Variants in ERBIN observed in about 807,000 individuals in gnomAD.
The protein encoded by ERBIN is densin-180-like protein.
In ERBIN, 60 loss-of-function variants were observed where a neutral mutation model predicts 158.4. The observed-to-expected ratio is 0.38, with a 90% CI of 0.31 to 0.47. The LOEUF is 0.47. Among genes scored for constraint, ERBIN ranks in the 20% least tolerant of loss-of-function variants. ERBIN has a pLI of 0.99. For synonymous variants in ERBIN, 594 were observed against 557.2 expected, an observed-to-expected ratio of 1.07 and a Z score of -0.93; for missense variants, 1,610 against 1,648.0, an observed-to-expected ratio of 0.98 and a Z score of 0.40.
At position 65,988,983 on chromosome 5, in the gene ERBIN, C is replaced by CAAA. The variant is rs34731955; in HGVS notation, c.-10+321_-10+323dup. ...GGGCAACAGAGTGTGACCCTGTTTC[C>CAAA]AAAAAAAAAAAAAAAAAAAAAAGCT... On this transcript the variant is annotated intron_variant, in intron 2 of 25. Coordinates refer to ENST00000284037, the MANE Select transcript of ERBIN (RefSeq NM_001253697.2). 3.6e-3 allele frequency among the ~76,000 whole-genome samples: 229 copies of CAAA among 62,860 alleles called. 4 individuals are homozygous for CAAA. Among genetic ancestry groups the CAAA allele is most frequent in the African/African-American group, 0.013 (219 of 16,720 alleles). 41.2% of individuals were successfully genotyped at this position (62,860 alleles called of 152,430 possible). A position where few individuals can be genotyped will look rare whatever the true frequency, so the allele number is the denominator to read the frequency against.
intron 21 of ERBIN, among the ~76,000 whole-genome samples, chr5:66,059,789 A>G (rs192889520): frequency 4.6e-5 from 7 of 152,302 alleles, no homozygotes; most frequent in East Asian, 3.9e-4. Context: ...GCACCTATTG[A>G]GATAATGATG....
intron 1 of ERBIN, among the ~76,000 whole-genome samples, chr5:65,976,731 C>G (rs563285116): frequency 6.6e-6 from 1 of 151,668 alleles, no homozygotes; most frequent in Non-Finnish European, 1.5e-5. Flanking sequence ...ACGGAGCATG[C>G]TGCCTTCAAG....
In ERBIN at chr5:66,079,209, GAC is replaced by G. The variant is rs1008784188; in HGVS notation, c.*681_*682del. 2.6e-5 allele frequency: 4 copies of G among 152,600 alleles called. No individual in the cohort carries two copies. Among genetic ancestry groups the G allele is most frequent in the African/African-American group, 9.7e-5 (4 of 41,440 alleles). The allele number at this position is 152,600 out of a possible 1,614,324, so 9.5% of individuals were successfully genotyped here. Reference sequence around the variant, plus strand: ...AATGTCTTTTTTATAAAGCAAAAAAGACAATAATTGCATTTATGAGCTCGGCA... The same window carrying G: ...AATGTCTTTTTTATAAAGCAAAAAAGAATAATTGCATTTATGAGCTCGGCA... On this transcript the variant is annotated 3_prime_UTR_variant, in exon 26 of 26. Coordinates refer to ENST00000284037, the MANE Select transcript of ERBIN (RefSeq NM_001253697.2).
intron 7 of ERBIN, among the ~76,000 whole-genome samples, chr5:66,016,042 T>A (rs1754677775): frequency 6.6e-6 from 1 of 152,228 alleles, no homozygotes; most frequent in African/African-American, 2.4e-5. Context: ...CATGTGTATC[T>A]TCCCCTTGGT....
rs114616365 is a variant in ERBIN at position 65,992,999 on chromosome 5, A to G, written c.189+92A>G. The G allele has an allele frequency of 2.7e-3, 2,793 of 1,031,882 alleles. 41 individuals are homozygous for G. The African/African-American group carries it at 0.038, about 14-fold the overall frequency. The allele number at this position is 1,031,882 out of a possible 1,614,324, so 63.9% of individuals were successfully genotyped here. A position where few individuals can be genotyped will look rare whatever the true frequency, so the allele number is the denominator to read the frequency against. On this transcript the variant is annotated intron_variant, in intron 3 of 25. Transcript: ENST00000284037. ...AATATTGCTATAAAGTTGCCAATAT[A>G]TTTGTGTGGTTGAATTTTTTGGTTT...
At chr5:66,038,158 C>G (rs1263681811) in intron 14 of ERBIN, among the ~76,000 whole-genome samples, 1 of 152,048 alleles carries the variant, frequency 6.6e-6, no homozygotes, top group Non-Finnish European at 1.5e-5. Flanking sequence ...GATTTACTTG[C>G]TTTATACTAA....
intron 1 of ERBIN, among the ~76,000 whole-genome samples, chr5:65,964,270 G>T (rs7704820): frequency 6.6e-6 from 1 of 152,284 alleles, no homozygotes; most frequent in East Asian, 1.9e-4. Flanking sequence ...ATAATTGAAC[G>T]TGTGTGTCAT....
chr5:65,946,115 A>G (rs547356560), intron 1 of ERBIN, among the ~76,000 whole-genome samples: 7 of 152,302 alleles, frequency 4.6e-5, no homozygotes, highest in African/African-American at 1.7e-4. Flanking sequence ...CTGTAATCCC[A>G]GCACTTTGGG....
intron 25 of ERBIN, among the ~76,000 whole-genome samples, chr5:66,077,929 A>G (rs1455905078): frequency 6.6e-6 from 1 of 152,168 alleles, no homozygotes. Context: ...CTAAAATAAG[A>G]TAGTGAAAGA....
At chr5:66,015,994 T>A (rs558318995) in intron 7 of ERBIN, among the ~76,000 whole-genome samples, 40 of 152,356 alleles carry the variant, frequency 2.6e-4, no homozygotes, top group African/African-American at 9.4e-4. Flanking sequence ...TATGTCACTC[T>A]CTTCTTCCCT....
chr5:66,075,136 T>A lies in ERBIN; in HGVS notation c.3869T>A (p.Leu1290Gln). The A allele has an allele frequency of 2.5e-6, 4 of 1,614,158 alleles. No homozygotes were observed. The highest frequency in any genetic ancestry group is 3.4e-6 in the Non-Finnish European group (4 of 1,179,998). Reference protein sequence around the residue: ...SVARHPSREQLIDYLMLKVAH... With the variant: ...SVARHPSREQQIDYLMLKVAH... ...GCAAGGCATCCCTCTAGAGAACAAC[T>A]AATTGATTACTTGATGCTGAAAGTG... The change falls in exon 23 of 26, where the codon CTA becomes CAA. Residue 1290 changes from leucine to glutamine, a missense_variant. Leu to Gln is a moderately radical substitution (Grantham distance 113). Coordinates refer to ENST00000284037, the MANE Select transcript of ERBIN (RefSeq NM_001253697.2).
At position 66,040,888 on chromosome 5, in the gene ERBIN, G is replaced by T. The variant is rs550739665; in HGVS notation, c.1307-2189G>T. ...AAAAGAAAGATTCTAAAGGTAGATAGTGATGAATAAATATGCAAGAGCAGG... is the reference window on the plus strand; with the variant it reads ...AAAAGAAAGATTCTAAAGGTAGATATTGATGAATAAATATGCAAGAGCAGG... On this transcript the variant is annotated intron_variant, in intron 15 of 25. Coordinates refer to ENST00000284037, the MANE Select transcript of ERBIN (RefSeq NM_001253697.2). Among the ~76,000 whole-genome samples, 4 of 151,806 alleles carry T rather than the reference G, an allele frequency of 2.6e-5. No homozygotes were observed. The East Asian group carries it at 7.7e-4, about 29-fold the overall frequency.
intron 4 of ERBIN, among the ~76,000 whole-genome samples, chr5:66,007,183 T>TA (rs201342167): frequency 0.061 from 9,286 of 152,222 alleles, 413 homozygotes; most frequent in Non-Finnish European, 0.088. Context: ...ATGTGGCACA[T>TA]ATACACCATG....
intron 14 of ERBIN, among the ~76,000 whole-genome samples, chr5:66,031,536 C>T (rs953646630): frequency 1.3e-5 from 2 of 152,202 alleles, no homozygotes; most frequent in Admixed American, 6.5e-5. Context: ...AATTATCTCT[C>T]AAAAGAGGAA....
chr5:65,951,608 G>A (rs549440111), intron 1 of ERBIN, among the ~76,000 whole-genome samples: 11 of 152,114 alleles, frequency 7.2e-5, no homozygotes, highest in African/African-American at 2.7e-4. Flanking sequence ...TATAATTTTT[G>A]TAAACTTTTG....
intron 14 of ERBIN, among the ~76,000 whole-genome samples, chr5:66,036,152 TACAGTGCTTTCGA>T (rs1454161501): frequency 6.6e-6 from 1 of 152,154 alleles, no homozygotes; most frequent in Non-Finnish European, 1.5e-5. Context: ...TGTCTTACCT[TACAGTGCTTTCGA>T]ACAGTGCTGA....
Position 65,993,569 on chromosome 5 carries a change from T to C in ERBIN, c.189+662T>C, listed in dbSNP as rs780541872. On this transcript the variant is annotated intron_variant, in intron 3 of 25. Transcript: ENST00000284037. ...ATTTCAATTTTCCCTCTCATTATCC[T>C]ATACCAGTTAAATTGCTATATATTT... Among the ~76,000 whole-genome samples, 332 of 152,314 alleles carry C rather than the reference T, an allele frequency of 2.2e-3. 1 individual carries two copies. The highest frequency in any genetic ancestry group is 7.6e-3 in the African/African-American group (315 of 41,580).
intron 1 of ERBIN, among the ~76,000 whole-genome samples, chr5:65,982,324 A>T (rs1750745771): frequency 6.6e-6 from 1 of 152,090 alleles, no homozygotes; most frequent in South Asian, 2.1e-4. Context: ...TTTTCTGGGG[A>T]GGGGAAGGTG....
At position 66,076,320 on chromosome 5, in the gene ERBIN, G is replaced by T. The variant is rs191439793; in HGVS notation, c.3968G>T (p.Arg1323Leu). ...TTTATTTTCATATTAACTCAGATTC[G>T]AGTGAGGGTTGAAAAGGATCCAGAA... ...QGHELAKQEI[R>L]VRVEKDPELG... Residue 1323 changes from arginine (R) to leucine (L), a missense_variant, in exon 24 of 26, where the codon CGA (arginine) becomes CTA (leucine). By Grantham distance (102) the Arg-to-Leu change is moderately radical. Around this residue, in one of 2 missense-constraint regions of ERBIN, gnomAD observed 1,014 missense variants for 936.1 expected, o/e 1.08. Coordinates refer to ENST00000284037, the MANE Select transcript of ERBIN (RefSeq NM_001253697.2). The T allele has an allele frequency of 3.7e-6, 6 of 1,611,036 alleles. No individual in the cohort carries two copies. The highest frequency in any genetic ancestry group is 1.7e-4 in the Middle Eastern group (1 of 6,048).
Sources: gnomAD v4.1 joint callset for allele counts (sites outside exome capture counted in the v4.1 genomes callset) on GRCh38, gnomAD v4.1.1 for gene constraint, gnomAD v4.1.1 regional missense constraint, MANE v1.5 for transcripts, NCBI Gene and HGNC (gene_info 2026-07-23, HGNC 2026-07-21) for gene names.